ADAMTS3: variants seen among roughly 807,000 people sequenced by gnomAD.
The protein encoded by ADAMTS3 is A disintegrin and metalloproteinase with thrombospondin motifs 3.
ADAMTS3 carries 73 observed loss-of-function variants against 129.0 expected under a neutral mutation model. The observed-to-expected ratio is 0.57, with a 90% CI of 0.47 to 0.69. The LOEUF is 0.69. ADAMTS3 is among the 30% of genes least tolerant of loss of function. ADAMTS3 has a pLI of 0.00. For synonymous variants in ADAMTS3, 477 were observed against 510.8 expected, an observed-to-expected ratio of 0.93 and a Z score of 0.89; for missense variants, 1,457 against 1,514.5, an observed-to-expected ratio of 0.96 and a Z score of 0.63.
At chr4:72,478,279 T>C (rs948103387) in intron 3 of ADAMTS3, among the ~76,000 whole-genome samples, 2 of 151,480 alleles carry the variant, frequency 1.3e-5, no homozygotes, top group African/African-American at 4.9e-5. Context: ...TGAACATTGA[T>C]GCAAAAATCC....
chr4:72,295,093 C>A (rs1456739819), intron 19 of ADAMTS3, among the ~76,000 whole-genome samples: 1 of 151,918 alleles, frequency 6.6e-6, no homozygotes, highest in Non-Finnish European at 1.5e-5. Context: ...AGATCAAATA[C>A]ATAAAATCAA....
At chr4:72,433,767 T>C (rs1473522796) in intron 3 of ADAMTS3, among the ~76,000 whole-genome samples, 5 of 151,952 alleles carry the variant, frequency 3.3e-5, no homozygotes, top group African/African-American at 1.2e-4. Context: ...ATATTTGTTA[T>C]TTCTAACAAA....
chr4:72,544,836 T>A (rs543206584), intron 3 of ADAMTS3, among the ~76,000 whole-genome samples: 2 of 152,310 alleles, frequency 1.3e-5, no homozygotes, highest in East Asian at 3.9e-4. Flanking sequence ...CCTCTATTAT[T>A]TTCTGTTTGT....
Position 72,295,663 on chromosome 4 carries a change from G to T in ADAMTS3, c.2714C>A (p.Thr905Lys). Residue 905 changes from threonine (T) to lysine (K), a missense_variant, in exon 19 of 22, where the codon ACA becomes AAA. Transcript: ENST00000286657. ...TAAAATAGATGCTTACAGTGGATGTGTACACTCTTGAATATTGCACATTCG... is the reference window on the plus strand; with the variant it reads ...TAAAATAGATGCTTACAGTGGATGTTTACACTCTTGAATATTGCACATTCG... ...IRRMCNIQECTHPLWVAEEWE... is the reference protein window; with the variant it reads ...IRRMCNIQECKHPLWVAEEWE... 6.2e-7 allele frequency: 1 copy of T among 1,612,198 alleles called. No individual in the cohort carries two copies. The highest frequency in any genetic ancestry group is 1.1e-5 in the South Asian group (1 of 90,912).
At chr4:72,500,318 C>G (rs1457706694) in intron 3 of ADAMTS3, among the ~76,000 whole-genome samples, 1 of 152,122 alleles carries the variant, frequency 6.6e-6, no homozygotes, top group African/African-American at 2.4e-5. Context: ...ACCATTCTGA[C>G]TGGTGTGAGA....
At chr4:72,398,727 A>G (rs937856776) in intron 4 of ADAMTS3, among the ~76,000 whole-genome samples, 5 of 152,204 alleles carry the variant, frequency 3.3e-5, no homozygotes, top group Admixed American at 3.3e-4. Flanking sequence ...GATGAAAACA[A>G]AAGAGAAAGA....
intron 2 of ADAMTS3, among the ~76,000 whole-genome samples, chr4:72,559,379 C>T (rs575406726): frequency 6.6e-6 from 1 of 151,882 alleles, no homozygotes; most frequent in East Asian, 1.9e-4. Flanking sequence ...ACTGGTTTTG[C>T]ACCATTCCTT....
intron 3 of ADAMTS3, among the ~76,000 whole-genome samples, chr4:72,479,294 T>C (rs1291134526): frequency 2.0e-5 from 3 of 152,120 alleles, no homozygotes; most frequent in Non-Finnish European, 4.4e-5. Context: ...CTTCAAACTA[T>C]ACTACAAGGC....
chr4:72,514,231 G>A (rs368455676), intron 3 of ADAMTS3, among the ~76,000 whole-genome samples: 1 of 152,080 alleles, frequency 6.6e-6, no homozygotes, highest in Non-Finnish European at 1.5e-5. Flanking sequence ...ACCAACTCTT[G>A]AACCTGCTGA....
intron 4 of ADAMTS3, among the ~76,000 whole-genome samples, chr4:72,394,286 G>C (rs1721671731): frequency 6.6e-6 from 1 of 151,248 alleles, no homozygotes; most frequent in Non-Finnish European, 1.5e-5. Flanking sequence ...AAAAACTGAT[G>C]GTGCTGCTTT....
At chr4:72,497,532 A>G (rs530152246) in intron 3 of ADAMTS3, among the ~76,000 whole-genome samples, 1 of 151,616 alleles carries the variant, frequency 6.6e-6, no homozygotes, top group Non-Finnish European at 1.5e-5. Flanking sequence ...TATTAAAAAT[A>G]TTTTATCAAA....
At chr4:72,565,707 C>T (rs764511121) in intron 2 of ADAMTS3, among the ~76,000 whole-genome samples, 3 of 152,234 alleles carry the variant, frequency 2.0e-5, no homozygotes, top group Non-Finnish European at 2.9e-5. Flanking sequence ...CGCCTCCTCT[C>T]TTTCATACTG....
At chr4:72,434,076 A>T (rs188292685) in intron 3 of ADAMTS3, among the ~76,000 whole-genome samples, 19 of 151,874 alleles carry the variant, frequency 1.3e-4, no homozygotes, top group Admixed American at 1.2e-3. Context: ...GCTTGAGTAC[A>T]TTCTGTTCTT....
chr4:72,531,661 G>A (rs950637030), intron 3 of ADAMTS3, among the ~76,000 whole-genome samples: 4 of 152,126 alleles, frequency 2.6e-5, no homozygotes, highest in African/African-American at 9.7e-5. Flanking sequence ...TTGCCTTGTG[G>A]CACAGTTCTA....
chr4:72,366,925 T>C (rs1720884186), intron 4 of ADAMTS3, among the ~76,000 whole-genome samples: 1 of 152,040 alleles, frequency 6.6e-6, no homozygotes, highest in Non-Finnish European at 1.5e-5. Context: ...TTCCTCCTCC[T>C]CTCTCTCTTT....
At chr4:72,471,885 A>T (rs1265284967) in intron 3 of ADAMTS3, among the ~76,000 whole-genome samples, 1 of 152,006 alleles carries the variant, frequency 6.6e-6, no homozygotes, top group African/African-American at 2.4e-5. Context: ...GTCTTAAATA[A>T]TTTTTAAGAC....
chr4:72,529,663 A>T lies in ADAMTS3; in HGVS notation c.504+18815T>A, dbSNP rs917677980. ...TATAATACATTATAATATATATATAAAATATTAAATATTATTTATATATTA... is the reference window on the plus strand; with the variant it reads ...TATAATACATTATAATATATATATATAATATTAAATATTATTTATATATTA... On this transcript the variant is annotated intron_variant, in intron 3 of 21. Transcript: ENST00000286657. 2.6e-4 allele frequency among the ~76,000 whole-genome samples: 34 copies of T among 128,658 alleles called. 1 individual carries two copies. Among genetic ancestry groups the T allele is most frequent in the African/African-American group, 1.2e-4 (4 of 34,286 alleles). 84.4% of individuals were successfully genotyped at this position (128,658 alleles called of 152,430 possible).
chr4:72,348,960 T>C (rs777523301), intron 4 of ADAMTS3, among the ~76,000 whole-genome samples: 3 of 151,924 alleles, frequency 2.0e-5, no homozygotes, highest in African/African-American at 4.8e-5. Context: ...TTTGGCCTTG[T>C]GATAAATTAA....
chr4:72,533,672 C>CATATTTATATATACATATATAT (rs1721109741), intron 3 of ADAMTS3, among the ~76,000 whole-genome samples: 1 of 151,446 alleles, frequency 6.6e-6, no homozygotes, highest in Non-Finnish European at 1.5e-5. Flanking sequence ...TGTATATGCA[C>CATATTTATATATACATATATAT]ATATATGCAC....
Sources: gnomAD v4.1 joint callset for allele counts (sites outside exome capture counted in the v4.1 genomes callset) on GRCh38, gnomAD v4.1.1 for gene constraint, MANE v1.5 for transcripts, NCBI Gene and HGNC (gene_info 2026-07-23, HGNC 2026-07-21) for gene names.